MAP3K13: variants seen among roughly 807,000 people sequenced by gnomAD.
MAP3K13 encodes the protein leucine zipper-bearing kinase.
In MAP3K13, 52 loss-of-function variants were observed where a neutral mutation model predicts 104.0. That is an observed-to-expected ratio of 0.50 (90% CI 0.40 to 0.63). The LOEUF (loss-of-function observed/expected upper bound fraction) is 0.63. MAP3K13 is among the 20% of genes least tolerant of loss of function. The probability of loss-of-function intolerance (pLI) is 0.00; values close to 1 mark genes in which losing one functional copy is unlikely to be tolerated. For synonymous variants in MAP3K13, 394 were observed against 442.2 expected (o/e 0.89, Z 1.37); for missense variants, 914 against 1,218.5 (o/e 0.75, Z 3.72).
chr3:185,438,052 G>T (rs576192598), intron 3 of MAP3K13, among the ~76,000 whole-genome samples: 1 of 152,250 alleles, frequency 6.6e-6, no homozygotes, highest in African/African-American at 2.4e-5. Flanking sequence ...CAGCACTTTG[G>T]GAGGCCAAGG....
At chr3:185,292,700 A>C (rs1720785973) in intron 2 of MAP3K13, 1 of 985,306 alleles carries the variant, frequency 1.0e-6, no homozygotes, top group Admixed American at 6.1e-5. Context: ...ACTCACTGAA[A>C]GCATGTACCA....
At chr3:185,404,317 AGGT>A (rs1322915977) in intron 1 of MAP3K13, among the ~76,000 whole-genome samples, 1 of 152,240 alleles carries the variant, frequency 6.6e-6, no homozygotes, top group Non-Finnish European at 1.5e-5. Flanking sequence ...GAACAGATGA[AGGT>A]GTCAGCATTT....
intron 11 of MAP3K13, among the ~76,000 whole-genome samples, chr3:185,475,093 C>CAAA (rs972600527): frequency 7.2e-5 from 3 of 41,824 alleles, no homozygotes; most frequent in Non-Finnish European, 5.3e-5. Context: ...GACCCCATCT[C>CAAA]AAAAAAAAAA....
intron 1 of MAP3K13, among the ~76,000 whole-genome samples, chr3:185,401,216 T>C (rs1263298957): frequency 6.6e-6 from 1 of 152,214 alleles, no homozygotes; most frequent in African/African-American, 2.4e-5. Context: ...AGCCTATTAC[T>C]TGTTTTCTCT....
intron 2 of MAP3K13, among the ~76,000 whole-genome samples, chr3:185,346,385 C>G (rs548464564): frequency 3.2e-4 from 49 of 152,288 alleles, no homozygotes; most frequent in Non-Finnish European, 6.5e-4. Flanking sequence ...CTTCAACCTT[C>G]TAGTCATCTA....
chr3:185,344,694 T>C (rs1472492844), intron 2 of MAP3K13, among the ~76,000 whole-genome samples: 1 of 152,164 alleles, frequency 6.6e-6, no homozygotes, highest in African/African-American at 2.4e-5. Flanking sequence ...TTGCTTTGCA[T>C]CCTCAGTTAG....
intron 2 of MAP3K13, among the ~76,000 whole-genome samples, chr3:185,355,711 G>A (rs557985881): frequency 1.5e-4 from 23 of 151,842 alleles, no homozygotes; most frequent in African/African-American, 5.6e-4. Context: ...AAAAGGATAG[G>A]TCACAGGAAA....
At chr3:185,464,336 G>A (rs1717287127) in intron 8 of MAP3K13, among the ~76,000 whole-genome samples, 1 of 152,154 alleles carries the variant, frequency 6.6e-6, no homozygotes, top group Non-Finnish European at 1.5e-5. Context: ...CACTGATATG[G>A]TTTGGCTCTG....
At chr3:185,453,470 CT>C in intron 7 of MAP3K13, among the ~76,000 whole-genome samples, 1 of 152,130 alleles carries the variant, frequency 6.6e-6, no homozygotes, top group Admixed American at 6.6e-5. Flanking sequence ...CAGTCCTGAA[CT>C]TTTGGAGGGG....
intron 1 of MAP3K13, among the ~76,000 whole-genome samples, chr3:185,393,574 T>G (rs1340333239): frequency 6.6e-6 from 1 of 151,892 alleles, no homozygotes; most frequent in Non-Finnish European, 1.5e-5. Context: ...TTCTCCTGCC[T>G]CAGCCTCCTG....
Position 185,451,286 on chromosome 3 carries a change from G to T in MAP3K13, c.1170-1G>T. The T allele has an allele frequency of 6.2e-7, 1 of 1,602,992 alleles. No individual in the cohort carries two copies. Among genetic ancestry groups the T allele is most frequent in the South Asian group, 1.1e-5 (1 of 89,204 alleles). ...GCACAAACTGTCTTTTTCACTTTTA[G>T]GCAGAGTAAACCTCGAAACCGACCT... is the stretch of plus-strand genomic sequence containing the variant. On this transcript the variant is annotated splice_acceptor_variant, in intron 6 of 13. Transcript: ENST00000265026. LOFTEE classifies it high-confidence loss of function.
intron 2 of MAP3K13, among the ~76,000 whole-genome samples, chr3:185,331,242 C>T (rs576834270): frequency 4.0e-5 from 6 of 151,862 alleles, no homozygotes; most frequent in South Asian, 4.2e-4. Context: ...TACAGACATG[C>T]GCCACCATGC....
At chr3:185,460,987 G>A (rs1026119554) in intron 7 of MAP3K13, among the ~76,000 whole-genome samples, 3 of 151,246 alleles carry the variant, frequency 2.0e-5, no homozygotes, top group Non-Finnish European at 4.4e-5. Context: ...GCACAAAAGA[G>A]GATACTTCAA....
At chr3:185,374,374 C>T (rs1248804462) in intron 1 of MAP3K13, among the ~76,000 whole-genome samples, 2 of 151,840 alleles carry the variant, frequency 1.3e-5, no homozygotes, top group African/African-American at 4.8e-5. Flanking sequence ...TTAGGGGCGG[C>T]GTGGGAACCT....
intron 2 of MAP3K13, among the ~76,000 whole-genome samples, chr3:185,357,169 G>T (rs1245048968): frequency 6.6e-6 from 1 of 151,736 alleles, no homozygotes; most frequent in Non-Finnish European, 1.5e-5. Context: ...TCTAGGCCGG[G>T]TGCAGTGGCT....
intron 2 of MAP3K13, among the ~76,000 whole-genome samples, chr3:185,436,828 C>A (rs188655680): frequency 6.6e-6 from 1 of 151,612 alleles, no homozygotes; most frequent in African/African-American, 2.4e-5. Context: ...CATGGTGAAA[C>A]CCTGCCTCTA....
intron 12 of MAP3K13, among the ~76,000 whole-genome samples, chr3:185,479,930 A>G (rs1383778669): frequency 6.6e-6 from 1 of 152,204 alleles, no homozygotes; most frequent in African/African-American, 2.4e-5. Flanking sequence ...TAAGGCTGCC[A>G]ATCCTATTTG....
chr3:185,292,045 C>CT, intron 2 of MAP3K13: 1 of 979,120 alleles, frequency 1.0e-6, no homozygotes, highest in East Asian at 1.1e-4. Flanking sequence ...TGGCTCATGC[C>CT]TGTAATCCCA....
At chr3:185,392,600 C>T (rs938905480) in intron 1 of MAP3K13, among the ~76,000 whole-genome samples, 1 of 152,194 alleles carries the variant, frequency 6.6e-6, no homozygotes, top group South Asian at 2.1e-4. Flanking sequence ...GAAGCAAAAT[C>T]GGCCTAGAGG....
Sources: gnomAD v4.1 joint callset for allele counts (sites outside exome capture counted in the v4.1 genomes callset) on GRCh38, gnomAD v4.1.1 for gene constraint, MANE v1.5 for transcripts, NCBI Gene and HGNC (gene_info 2026-07-23, HGNC 2026-07-21) for gene names.